Variants in MDGA2 observed in about 807,000 individuals in gnomAD.
MDGA2 encodes MAM domain containing glycosylphosphatidylinositol anchor 2, also known as MAM domain-containing glycosylphosphatidylinositol anchor protein 2.
In MDGA2, 40 loss-of-function variants were observed where a neutral mutation model predicts 117.8. That is an observed-to-expected ratio of 0.34 (90% CI 0.26 to 0.44). The LOEUF (loss-of-function observed/expected upper bound fraction) is 0.44. MDGA2 is among the 20% of genes least tolerant of loss of function. The pLI is 1.00. For missense variants in MDGA2, 1,123 were observed against 1,250.6 expected, an observed-to-expected ratio of 0.90 and a Z score of 1.54; for synonymous variants, 452 against 439.0, an observed-to-expected ratio of 1.03 and a Z score of -0.37.
At chr14:47,200,871 C>T (rs976150459) in intron 3 of MDGA2, 3 of 858,608 alleles carry the variant, frequency 3.5e-6, no homozygotes, top group Non-Finnish European at 6.0e-6. Context: ...GGGATGCCGT[C>T]AAACACCTTA....
At chr14:47,293,979 C>T (rs1421550394) in intron 2 of MDGA2, among the ~76,000 whole-genome samples, 3 of 151,858 alleles carry the variant, frequency 2.0e-5, no homozygotes, top group African/African-American at 2.4e-5. Flanking sequence ...TCCTCCTAAA[C>T]AAGCTATGCT....
intron 8 of MDGA2, among the ~76,000 whole-genome samples, chr14:46,992,693 A>G (rs1887137964): frequency 6.6e-6 from 1 of 152,152 alleles, no homozygotes; most frequent in Non-Finnish European, 1.5e-5. Context: ...GTTCTCCAGT[A>G]ATCATATACT....
chr14:47,086,182 G>A (rs1337693369), intron 6 of MDGA2, among the ~76,000 whole-genome samples: 2 of 149,618 alleles, frequency 1.3e-5, no homozygotes, highest in African/African-American at 2.5e-5. Context: ...TGGCTAAGAT[G>A]GATTTGAATT....
chr14:47,018,464 T>A (rs1246391435), intron 8 of MDGA2, among the ~76,000 whole-genome samples: 1 of 152,092 alleles, frequency 6.6e-6, no homozygotes, highest in Admixed American at 6.5e-5. Flanking sequence ...TCCTCTTAGC[T>A]TCTAGAAATC....
chr14:46,929,618 TA>T (rs1884471831), intron 9 of MDGA2, among the ~76,000 whole-genome samples: 7 of 24,344 alleles, frequency 2.9e-4, no homozygotes, highest in African/African-American at 1.0e-3. Context: ...TATATATATA[TA>T]TATATATATA....
rs546039192 is a variant in MDGA2 at position 47,645,504 on chromosome 14, G to A, written c.280+29013C>T. Among the ~76,000 whole-genome samples the A allele has an allele frequency of 3.3e-3, 506 of 151,828 alleles. 3 individuals carry two copies. The highest frequency in any genetic ancestry group is 0.012 in the African/African-American group (482 of 41,468). ...CCGCCTCGTCCTCCCAAAGTGCTGGGATTACAGGCGTGAGCCACCGCGCCC... is the reference window on the plus strand; with the variant it reads ...CCGCCTCGTCCTCCCAAAGTGCTGGAATTACAGGCGTGAGCCACCGCGCCC... On this transcript the variant is annotated intron_variant, in intron 1 of 16. Coordinates refer to ENST00000399232, the MANE Select transcript of MDGA2 (RefSeq NM_001113498.3).
intron 2 of MDGA2, among the ~76,000 whole-genome samples, chr14:47,262,700 A>G (rs932707594): frequency 2.0e-5 from 3 of 152,184 alleles, no homozygotes; most frequent in Admixed American, 2.0e-4. Flanking sequence ...AATACAGAAC[A>G]GGAAAGTTAA....
chr14:47,658,386 T>C (rs973784326), intron 1 of MDGA2, among the ~76,000 whole-genome samples: 1 of 152,126 alleles, frequency 6.6e-6, no homozygotes, highest in African/African-American at 2.4e-5. Flanking sequence ...TCAGCTCACT[T>C]TGCCAAGTTC....
At chr14:47,554,373 A>G (rs1381753781) in intron 1 of MDGA2, among the ~76,000 whole-genome samples, 1 of 152,236 alleles carries the variant, frequency 6.6e-6, no homozygotes, top group Non-Finnish European at 1.5e-5. Context: ...ATGCACTCAA[A>G]TAATGGCAAA....
At chr14:47,104,089 C>G (rs1880497402) in intron 5 of MDGA2, among the ~76,000 whole-genome samples, 1 of 152,168 alleles carries the variant, frequency 6.6e-6, no homozygotes, top group African/African-American at 2.4e-5. Context: ...CCAGGCTTGA[C>G]TGGGATATTT....
At chr14:46,952,241 GA>G (rs113242714) in intron 9 of MDGA2, among the ~76,000 whole-genome samples, 17,956 of 150,464 alleles carry the variant, frequency 0.12, 2,010 homozygotes, top group African/African-American at 0.27. Flanking sequence ...AATCCAAGCA[GA>G]AAAAAAAAGT....
At chr14:47,264,586 C>G (rs1887903141) in intron 2 of MDGA2, among the ~76,000 whole-genome samples, 2 of 152,018 alleles carry the variant, frequency 1.3e-5, no homozygotes, top group African/African-American at 4.8e-5. Flanking sequence ...GTAATTAGGG[C>G]TTTTCACTCT....
chr14:47,262,991 G>A (rs542620076), intron 2 of MDGA2, among the ~76,000 whole-genome samples: 1 of 152,148 alleles, frequency 6.6e-6, no homozygotes, highest in South Asian at 2.1e-4. Flanking sequence ...TTTTCAGCAT[G>A]AGTCAGCCTC....
Position 46,877,491 on chromosome 14 carries a change from A to G in MDGA2, c.2435T>C (p.Leu812Ser). ...IKYSAPVNPH[L>S]REFHCGFEDG... ...TTTGTAAGTTAAAATATACTTACTC[A>G]AATGAGGATTTACAGGAGCTACAAG... The change falls in exon 12 of 17, where the codon TTG (leucine) becomes TCG (serine). Residue 812 changes from leucine to serine, a missense_variant and splice_region_variant. Transcript: ENST00000399232. 1 of 1,495,492 alleles carries G rather than the reference A, an allele frequency of 6.7e-7. No homozygotes were observed. The highest frequency in any genetic ancestry group is 9.2e-7 in the Non-Finnish European group (1 of 1,092,136). The allele number at this position is 1,495,492 out of a possible 1,614,324, so 92.6% of individuals were successfully genotyped here.
intron 5 of MDGA2, among the ~76,000 whole-genome samples, chr14:47,110,198 TC>T (rs1243802455): frequency 2.0e-5 from 3 of 152,042 alleles, no homozygotes; most frequent in Non-Finnish European, 2.9e-5. Flanking sequence ...CTGTTTGCAC[TC>T]CTTTGTACTT....
At chr14:47,425,919 T>A (rs1055425720) in intron 1 of MDGA2, among the ~76,000 whole-genome samples, 1 of 151,708 alleles carries the variant, frequency 6.6e-6, no homozygotes, top group Non-Finnish European at 1.5e-5. Context: ...TTTTTTTTTT[T>A]AAGATTTCAT....
At chr14:47,411,649 G>A (rs1892374451) in intron 1 of MDGA2, among the ~76,000 whole-genome samples, 1 of 152,144 alleles carries the variant, frequency 6.6e-6, no homozygotes, top group African/African-American at 2.4e-5. Context: ...AATGAAAAAT[G>A]TTAACTGGCA....
intron 1 of MDGA2, among the ~76,000 whole-genome samples, chr14:47,590,254 T>C (rs1896411664): frequency 1.3e-5 from 2 of 151,982 alleles, no homozygotes; most frequent in African/African-American, 4.8e-5. Flanking sequence ...TAGGAGCAGA[T>C]ACCACTTTTT....
chr14:47,214,895 T>C (rs1178865496), intron 3 of MDGA2, among the ~76,000 whole-genome samples: 1 of 152,142 alleles, frequency 6.6e-6, no homozygotes, highest in Non-Finnish European at 1.5e-5. Context: ...TATACATCAA[T>C]AGATTATGGG....
Sources: allele counts gnomAD v4.1 joint callset (sites outside exome capture counted in the v4.1 genomes callset), GRCh38; gene constraint gnomAD v4.1.1; transcripts MANE v1.5; gene names NCBI Gene and HGNC (gene_info 2026-07-23, HGNC 2026-07-21).